GALNTL6: variants seen among roughly 807,000 people sequenced by gnomAD.
GALNTL6 encodes polypeptide N-acetylgalactosaminyltransferase-like 6.
GALNTL6 carries 46 observed loss-of-function variants against 73.7 expected under a neutral mutation model. That is an observed-to-expected ratio of 0.62 (90% CI 0.49 to 0.80). The LOEUF (loss-of-function observed/expected upper bound fraction) is 0.80. Among genes scored for constraint, GALNTL6 ranks in the 30% least tolerant of loss-of-function variants. The pLI is 0.00. For missense variants in GALNTL6, 604 were observed against 755.0 expected (o/e 0.80, Z 2.34); for synonymous variants, 259 against 263.7 (o/e 0.98, Z 0.17).
chr4:172,404,345 T>C (rs1464576266), intron 5 of GALNTL6, among the ~76,000 whole-genome samples: 1 of 152,014 alleles, frequency 6.6e-6, no homozygotes, highest in African/African-American at 2.4e-5. Context: ...CCAGCCATTA[T>C]AATAGCTGAC....
At chr4:172,216,572 G>A (rs1394081890) in intron 2 of GALNTL6, among the ~76,000 whole-genome samples, 1 of 151,764 alleles carries the variant, frequency 6.6e-6, no homozygotes, top group African/African-American at 2.4e-5. Flanking sequence ...GGTATTCTCT[G>A]TTTTTCTTGG....
intron 5 of GALNTL6, among the ~76,000 whole-genome samples, chr4:172,761,481 T>C (rs760120731): frequency 5.9e-5 from 9 of 152,222 alleles, no homozygotes; most frequent in Non-Finnish European, 1.2e-4. Flanking sequence ...ATATGTTTGA[T>C]ATAGTTTGGT....
At position 172,471,139 on chromosome 4, in the gene GALNTL6, T is replaced by C. The variant is rs557095000; in HGVS notation, c.553+122450T>C. ...CTACCCTGAAACACCTAGGGACCTT[T>C]TCCTGATCTAGCAACCAAAGAGTGA... On this transcript the variant is annotated intron_variant, in intron 5 of 12. Coordinates refer to ENST00000506823, the MANE Select transcript of GALNTL6 (RefSeq NM_001034845.3). Among the ~76,000 whole-genome samples the C allele has an allele frequency of 2.0e-5, 3 of 152,300 alleles. No homozygotes were observed. In the South Asian group the frequency reaches 6.2e-4, roughly 32 times the overall value.
intron 9 of GALNTL6, among the ~76,000 whole-genome samples, chr4:172,946,122 A>AGT (rs1749153470): frequency 1.1e-5 from 1 of 92,144 alleles, no homozygotes; most frequent in East Asian, 3.4e-4. Flanking sequence ...TTGGGGAAAA[A>AGT]GCGTGTGTGT....
At chr4:172,768,936 CAA>C (rs930906550) in intron 5 of GALNTL6, among the ~76,000 whole-genome samples, 2 of 151,942 alleles carry the variant, frequency 1.3e-5, no homozygotes, top group Non-Finnish European at 2.9e-5. Context: ...GGAGTTCAGA[CAA>C]GAGAGAGATA....
intron 7 of GALNTL6, among the ~76,000 whole-genome samples, chr4:172,851,949 G>A (rs919694929): frequency 2.0e-5 from 3 of 152,148 alleles, no homozygotes; most frequent in African/African-American, 7.2e-5. Flanking sequence ...GAGAGGCAAA[G>A]AAGGTTTAGG....
intron 5 of GALNTL6, among the ~76,000 whole-genome samples, chr4:172,730,980 T>A (rs1736112457): frequency 6.6e-6 from 1 of 151,548 alleles, no homozygotes. Context: ...CTTGGGAGGC[T>A]GAGGCAGGAG....
intron 2 of GALNTL6, among the ~76,000 whole-genome samples, chr4:171,831,382 G>C (rs1349270803): frequency 1.3e-5 from 2 of 151,730 alleles, no homozygotes; most frequent in Non-Finnish European, 2.9e-5. Context: ...TTACTGTTAT[G>C]ATAATTAAAT....
intron 10 of GALNTL6, among the ~76,000 whole-genome samples, chr4:172,960,855 GGAA>G (rs1476717208): frequency 6.6e-6 from 1 of 152,130 alleles, no homozygotes; most frequent in Non-Finnish European, 1.5e-5. Context: ...CACAGGCTAA[GGAA>G]GAAGGAGGAA....
At chr4:171,819,061 C>T (rs1461016458) in intron 2 of GALNTL6, among the ~76,000 whole-genome samples, 1 of 151,506 alleles carries the variant, frequency 6.6e-6, no homozygotes, top group Non-Finnish European at 1.5e-5. Context: ...CCTTTTTTAG[C>T]AAATACCTTA....
intron 5 of GALNTL6, among the ~76,000 whole-genome samples, chr4:172,628,470 G>A (rs190086896): frequency 5.7e-4 from 86 of 151,990 alleles, no homozygotes; most frequent in Admixed American, 1.2e-3. Context: ...GATGACTCAT[G>A]CCTATAATCC....
chr4:172,790,095 G>A (rs1428025793), intron 5 of GALNTL6, among the ~76,000 whole-genome samples: 1 of 152,238 alleles, frequency 6.6e-6, no homozygotes, highest in Non-Finnish European at 1.5e-5. Context: ...GTAGAATGAA[G>A]AGAGTTGATT....
chr4:172,098,037 T>C (rs540716613), intron 2 of GALNTL6, among the ~76,000 whole-genome samples: 7 of 152,066 alleles, frequency 4.6e-5, no homozygotes, highest in African/African-American at 1.7e-4. Flanking sequence ...TTATTGGAAA[T>C]AAAAAAATCA....
intron 8 of GALNTL6, among the ~76,000 whole-genome samples, chr4:172,929,208 A>ATAGTATTAAATACTCATAACTCAATT (rs1365630836): frequency 6.6e-6 from 1 of 152,198 alleles, no homozygotes; most frequent in Non-Finnish European, 1.5e-5. Context: ...TCCTGAACTC[A>ATAGTATTAAATACTCATAACTCAATT]ATTACAGCAA....
intron 2 of GALNTL6, among the ~76,000 whole-genome samples, chr4:172,124,834 G>C (rs867021590): frequency 1.3e-5 from 2 of 152,052 alleles, no homozygotes; most frequent in South Asian, 2.1e-4. Flanking sequence ...AGAAAATTAG[G>C]ACCTTGAGCA....
At chr4:172,254,714 G>C (rs1168950125) in intron 3 of GALNTL6, among the ~76,000 whole-genome samples, 1 of 151,700 alleles carries the variant, frequency 6.6e-6, no homozygotes, top group Non-Finnish European at 1.5e-5. Context: ...ATACATTTTA[G>C]AGTGTACTGG....
At chr4:172,732,485 C>T (rs1281601821) in intron 5 of GALNTL6, among the ~76,000 whole-genome samples, 1 of 152,136 alleles carries the variant, frequency 6.6e-6, no homozygotes, top group Non-Finnish European at 1.5e-5. Flanking sequence ...CATTCAGCCA[C>T]TCTATGCCTT....
chr4:172,528,319 A>AATATATATATATATATAT (rs3083419), intron 5 of GALNTL6, among the ~76,000 whole-genome samples: 3 of 103,706 alleles, frequency 2.9e-5, no homozygotes, highest in Non-Finnish European at 5.3e-5. Context: ...CTAGAAATAA[A>AATATATATATATATATAT]ATATATATAT....
chr4:172,444,097 G>C (rs1167579172), intron 5 of GALNTL6, among the ~76,000 whole-genome samples: 1 of 152,168 alleles, frequency 6.6e-6, no homozygotes, highest in African/African-American at 2.4e-5. Flanking sequence ...GATGGTGAGA[G>C]AGAGAAAGAG....
Sources: gnomAD v4.1 joint callset for allele counts (sites outside exome capture counted in the v4.1 genomes callset) on GRCh38, gnomAD v4.1.1 for gene constraint, MANE v1.5 for transcripts, NCBI Gene and HGNC (gene_info 2026-07-23, HGNC 2026-07-21) for gene names.